The following ERBB4 variants were observed in gnomAD, a reference collection of about 807,000 sequenced individuals.
The protein encoded by ERBB4 is erb-b2 receptor tyrosine kinase 4.
In ERBB4, 42 loss-of-function variants were observed where a neutral mutation model predicts 158.0. The observed-to-expected ratio is 0.27, with a 90% CI of 0.21 to 0.34. The LOEUF is 0.34. Ranked by LOEUF, ERBB4 falls within the 10% of genes least tolerant of loss-of-function variation. ERBB4 has a pLI of 1.00. For synonymous variants in ERBB4, 583 were observed against 558.7 expected (o/e 1.04, Z -0.61); for missense variants, 1,333 against 1,624.1 (o/e 0.82, Z 3.08).
chr2:212,062,187 C>A (rs116143868), intron 2 of ERBB4, among the ~76,000 whole-genome samples: 1,778 of 152,156 alleles, frequency 0.012, 26 homozygotes, highest in African/African-American at 0.039. Context: ...ATGCAAATAG[C>A]ATATGAGACA....
chr2:211,876,901 T>G (rs571176749), intron 3 of ERBB4, among the ~76,000 whole-genome samples: 3 of 152,310 alleles, frequency 2.0e-5, no homozygotes, highest in African/African-American at 7.2e-5. Context: ...AATGAAAAAA[T>G]TAACAAAGTT....
At chr2:211,394,696 T>C (rs1231725599) in intron 25 of ERBB4, among the ~76,000 whole-genome samples, 1 of 152,136 alleles carries the variant, frequency 6.6e-6, no homozygotes, top group African/African-American at 2.4e-5. Flanking sequence ...TAACTGATTC[T>C]TCAAATGAAT....
chr2:211,704,707 T>C (rs1256530249), intron 10 of ERBB4, among the ~76,000 whole-genome samples: 6 of 152,216 alleles, frequency 3.9e-5, no homozygotes, highest in Non-Finnish European at 8.8e-5. Flanking sequence ...TGTTATCTAT[T>C]TTCAATAGTA....
intron 15 of ERBB4, 118 bp from the exon 16 acceptor site, chr2:211,657,946 G>A: frequency 6.2e-7 from 1 of 1,608,382 alleles, no homozygotes; most frequent in Non-Finnish European, 8.5e-7. Context: ...AGCACACCAA[G>A]TACCTATCCA....
chr2:211,675,781 A>AT (rs2072040154), intron 13 of ERBB4, among the ~76,000 whole-genome samples: 1 of 76,966 alleles, frequency 1.3e-5, no homozygotes, highest in Non-Finnish European at 2.8e-5. Flanking sequence ...ATATATATAT[A>AT]AAATATAATA....
chr2:212,345,969 A>G (rs187875262), intron 1 of ERBB4, among the ~76,000 whole-genome samples: 4,611 of 152,266 alleles, frequency 0.03, 224 homozygotes, highest in African/African-American at 0.11. Flanking sequence ...ATTATCTATT[A>G]AGAAATTTAA....
At chr2:211,725,042 G>A (rs769274090) in intron 6 of ERBB4, 34 bp downstream of exon 6, 3 of 1,372,458 alleles carry the variant, frequency 2.2e-6, no homozygotes, top group Non-Finnish European at 3.1e-6. Context: ...GGAAAGGAGA[G>A]CAGGATAATA....
At chr2:212,216,041 T>C (rs538929626) in intron 1 of ERBB4, among the ~76,000 whole-genome samples, 1 of 151,484 alleles carries the variant, frequency 6.6e-6, no homozygotes, top group Admixed American at 6.6e-5. Flanking sequence ...TCAACTCAGT[T>C]AATAAAAAAA....
intron 3 of ERBB4, among the ~76,000 whole-genome samples, chr2:211,905,007 T>C (rs976839921): frequency 6.6e-6 from 1 of 152,116 alleles, no homozygotes; most frequent in Non-Finnish European, 1.5e-5. Context: ...TTAATATATG[T>C]TGTTCTTTGT....
intron 1 of ERBB4, among the ~76,000 whole-genome samples, chr2:212,315,910 C>T (rs1048359268): frequency 6.6e-6 from 1 of 151,328 alleles, no homozygotes; most frequent in African/African-American, 2.4e-5. Context: ...CAATATGAAG[C>T]TAAATATAAA....
chr2:212,268,553 C>A (rs528451328), intron 1 of ERBB4, among the ~76,000 whole-genome samples: 1 of 151,982 alleles, frequency 6.6e-6, no homozygotes, highest in Admixed American at 6.6e-5. Context: ...AGTTAATTCA[C>A]ACATGCATTT....
At chr2:211,999,612 C>T (rs1575494530) in intron 2 of ERBB4, among the ~76,000 whole-genome samples, 1 of 151,662 alleles carries the variant, frequency 6.6e-6, no homozygotes, top group African/African-American at 2.4e-5. Context: ...ATTGTAAAAT[C>T]GGCATGGGCA....
chr2:212,024,293 T>C (rs1046790464), intron 2 of ERBB4, among the ~76,000 whole-genome samples: 1 of 151,946 alleles, frequency 6.6e-6, no homozygotes, highest in Non-Finnish European at 1.5e-5. Context: ...CCAAAATAGA[T>C]TGTGGTTCTT....
intron 1 of ERBB4, among the ~76,000 whole-genome samples, chr2:212,322,994 T>C (rs1262117618): frequency 2.0e-5 from 3 of 150,548 alleles, no homozygotes; most frequent in Admixed American, 2.0e-4. Context: ...GCTGATTGCT[T>C]GATTGAATAA....
At chr2:212,187,063 G>A (rs1252323403) in intron 1 of ERBB4, among the ~76,000 whole-genome samples, 1 of 152,022 alleles carries the variant, frequency 6.6e-6, no homozygotes, top group Admixed American at 6.6e-5. Context: ...ATTGCTCAGA[G>A]GCCGAACCCT....
chr2:212,368,148 T>A (rs2089958309), intron 1 of ERBB4, among the ~76,000 whole-genome samples: 1 of 152,110 alleles, frequency 6.6e-6, no homozygotes, highest in Non-Finnish European at 1.5e-5. Context: ...GTGGCACAAT[T>A]CACAATAGCA....
At chr2:212,080,371 C>A (rs1050938699) in intron 2 of ERBB4, among the ~76,000 whole-genome samples, 2 of 150,366 alleles carry the variant, frequency 1.3e-5, no homozygotes, top group African/African-American at 4.9e-5. Flanking sequence ...TCTAGTATGT[C>A]TCAATTTAAA....
chr2:211,651,762 T>C (rs2070997326), intron 16 of ERBB4, among the ~76,000 whole-genome samples: 1 of 152,120 alleles, frequency 6.6e-6, no homozygotes, highest in Non-Finnish European at 1.5e-5. Flanking sequence ...CAGCAATAAC[T>C]TGGGAGCCTC....
chr2:211,403,091 G>T (rs985351373), intron 25 of ERBB4, among the ~76,000 whole-genome samples: 4 of 152,034 alleles, frequency 2.6e-5, no homozygotes, highest in Non-Finnish European at 4.4e-5. Flanking sequence ...TCTCAAAGAG[G>T]CTCCACCTCT....
Sources: allele counts gnomAD v4.1 joint callset (sites outside exome capture counted in the v4.1 genomes callset), GRCh38; gene constraint gnomAD v4.1.1; transcripts MANE v1.5; gene names NCBI Gene and HGNC (gene_info 2026-07-23, HGNC 2026-07-21).